ADGRF1: variants seen among roughly 807,000 people sequenced by gnomAD.
ADGRF1 encodes the protein G protein-coupled receptor 110.
Under a neutral mutation model 87.2 loss-of-function variants are expected in ADGRF1, and 85 were observed. The ratio of observed to expected loss-of-function variants is 0.97; its 90% CI spans 0.82 to 1.17. The LOEUF is 1.17. ADGRF1 is among the 50% of genes most tolerant of loss of function. The probability of loss-of-function intolerance (pLI) is 0.00; values close to 1 mark genes in which losing one functional copy is unlikely to be tolerated. For synonymous variants in ADGRF1, 430 were observed against 408.8 expected, an observed-to-expected ratio of 1.05 and a Z score of -0.63; for missense variants, 1,169 against 1,077.2, an observed-to-expected ratio of 1.09 and a Z score of -1.19.
intron 1 of ADGRF1, among the ~76,000 whole-genome samples, chr6:47,041,488 GT>G (rs774881330): frequency 7.9e-5 from 12 of 151,878 alleles, no homozygotes; most frequent in Non-Finnish European, 1.3e-4. Flanking sequence ...CTCTGGCATG[GT>G]ACATTACATA....
At chr6:47,016,984 A>G (rs1022990715) in intron 7 of ADGRF1, 73 of 386,158 alleles carry the variant, frequency 1.9e-4, no homozygotes, top group Non-Finnish European at 2.6e-4. Flanking sequence ...CTGTATATAT[A>G]CAGATATAAT....
intron 1 of ADGRF1, among the ~76,000 whole-genome samples, chr6:47,041,984 TCA>T (rs1780753101): frequency 6.6e-6 from 1 of 152,206 alleles, no homozygotes; most frequent in Non-Finnish European, 1.5e-5. Flanking sequence ...GCCAATCACC[TCA>T]TTATAGTTAG....
chr6:47,033,230 C>T (rs552404680), intron 1 of ADGRF1, among the ~76,000 whole-genome samples: 1 of 152,312 alleles, frequency 6.6e-6, no homozygotes, highest in South Asian at 2.1e-4. Flanking sequence ...GGTGGGACGC[C>T]CCCTCCGCAC....
chr6:47,003,973 C>T (rs1779438261), intron 13 of ADGRF1, among the ~76,000 whole-genome samples: 1 of 152,208 alleles, frequency 6.6e-6, no homozygotes, highest in Admixed American at 6.5e-5. Context: ...GGAGCAAATC[C>T]CTCCATCTTC....
Position 47,005,784 on chromosome 6 carries a change from T to C in ADGRF1, c.2592+33A>G, listed in dbSNP as rs376121039. 8.0e-4 allele frequency: 1,222 copies of C among 1,521,480 alleles called. 17 individuals are homozygous for C. In the South Asian group the frequency reaches 0.013, roughly 17 times the overall value. 94.2% of individuals were successfully genotyped at this position (1,521,480 alleles called of 1,614,324 possible). A position where few individuals can be genotyped will look rare whatever the true frequency, so the allele number is the denominator to read the frequency against. On this transcript the variant is annotated intron_variant, in intron 13 of 14. Coordinates refer to ENST00000371253, the MANE Select transcript of ADGRF1 (RefSeq NM_153840.4). ...AGAAGAATGCAAAACTGGAACTTCA[T>C]GTATTGGATTCATGGCAGTAGGAGA...
intron 1 of ADGRF1, among the ~76,000 whole-genome samples, chr6:47,039,887 G>A (rs1400329525): frequency 6.6e-6 from 1 of 152,048 alleles, no homozygotes; most frequent in Non-Finnish European, 1.5e-5. Context: ...GCTAGAACCT[G>A]GGATGTGGAG....
Position 47,025,633 on chromosome 6 carries a change from C to G in ADGRF1, c.277+221G>C, listed in dbSNP as rs1582176499. Among the ~76,000 whole-genome samples the G allele has an allele frequency of 2.0e-5, 3 of 152,284 alleles. No homozygotes were observed. The South Asian group carries it at 6.2e-4, about 32-fold the overall frequency. ...ATCTATTTTTTGCTCAGCATGGGTACATATGAGATAGGGTCTGATACATCA... is the reference window on the plus strand; with the variant it reads ...ATCTATTTTTTGCTCAGCATGGGTAGATATGAGATAGGGTCTGATACATCA... On this transcript the variant is annotated intron_variant, in intron 4 of 14. Coordinates refer to ENST00000371253, the MANE Select transcript of ADGRF1 (RefSeq NM_153840.4).
At position 47,024,092 on chromosome 6, in the gene ADGRF1, A is replaced by G; in HGVS notation, c.403T>C (p.Cys135Arg). Residue 135 changes from cysteine (C) to arginine (R), a missense_variant, in exon 5 of 15, where the codon TGT becomes CGT. By Grantham distance (180) the Cys-to-Arg change is radical (BLOSUM62 -3). Coordinates refer to ENST00000371253, the MANE Select transcript of ADGRF1 (RefSeq NM_153840.4). ...CTCTGGCTGAGGTTGTTGAGATGACATTCACAGCTTGGGAGTGCTCCAGCC... is the reference window on the plus strand; with the variant it reads ...CTCTGGCTGAGGTTGTTGAGATGACGTTCACAGCTTGGGAGTGCTCCAGCC... ...HTAGALPSCE[C>R]HLNNLSQSVN... 6.2e-7 allele frequency: 1 copy of G among 1,614,148 alleles called. No homozygotes were observed. Among genetic ancestry groups the G allele is most frequent in the Non-Finnish European group, 8.5e-7 (1 of 1,179,996 alleles).
At chr6:47,033,108 T>G (rs1780480664) in intron 1 of ADGRF1, among the ~76,000 whole-genome samples, 2 of 152,236 alleles carry the variant, frequency 1.3e-5, no homozygotes, top group Admixed American at 6.5e-5. Context: ...GAGCTGTTGT[T>G]GTCATTAGAG....
chr6:47,040,927 G>GT (rs1780723793), intron 1 of ADGRF1, among the ~76,000 whole-genome samples: 1 of 152,136 alleles, frequency 6.6e-6, no homozygotes, highest in Non-Finnish European at 1.5e-5. Context: ...CACTGTCCCT[G>GT]TTTTTTAAGA....
At chr6:47,036,930 C>G (rs1038745878) in intron 1 of ADGRF1, among the ~76,000 whole-genome samples, 3 of 152,160 alleles carry the variant, frequency 2.0e-5, no homozygotes, top group Admixed American at 1.3e-4. Flanking sequence ...ACAATTTGTG[C>G]TCAAACTTCC....
intron 13 of ADGRF1, among the ~76,000 whole-genome samples, chr6:47,004,619 G>T (rs1041909580): frequency 6.6e-6 from 1 of 152,002 alleles, no homozygotes; most frequent in Non-Finnish European, 1.5e-5. Context: ...TTCACTAAAG[G>T]TTTTATCTTT....
At chr6:47,030,467 G>T (rs574199264) in intron 1 of ADGRF1, among the ~76,000 whole-genome samples, 20 of 151,818 alleles carry the variant, frequency 1.3e-4, no homozygotes, top group Admixed American at 1.3e-3. Flanking sequence ...ATTCCTTCCC[G>T]CCTGCGCTTT....
intron 13 of ADGRF1, among the ~76,000 whole-genome samples, chr6:47,002,186 A>G (rs956659565): frequency 1.1e-4 from 17 of 152,238 alleles, no homozygotes; most frequent in African/African-American, 4.1e-4. Context: ...TTAATTTACC[A>G]TCTCATATTG....
intron 5 of ADGRF1, among the ~76,000 whole-genome samples, chr6:47,022,532 G>A (rs1407378504): frequency 2.6e-5 from 4 of 152,180 alleles, no homozygotes; most frequent in Non-Finnish European, 1.5e-5. Context: ...TCAGGACCTA[G>A]TCAAATATCA....
chr6:47,018,303 T>A (rs1041083259), intron 7 of ADGRF1: 40 of 943,916 alleles, frequency 4.2e-5, no homozygotes, highest in Non-Finnish European at 2.5e-5. Flanking sequence ...AGATAAGCAG[T>A]GTATCATTCC....
At chr6:47,033,692 C>G (rs557698846) in intron 1 of ADGRF1, among the ~76,000 whole-genome samples, 1 of 152,344 alleles carries the variant, frequency 6.6e-6, no homozygotes, top group South Asian at 2.1e-4. Flanking sequence ...GGCAGGTGAC[C>G]TGTAAAACCT....
Position 46,999,954 on chromosome 6 carries a change from G to A in ADGRF1, c.*268C>T, listed in dbSNP as rs757598095. On this transcript the variant is annotated 3_prime_UTR_variant, in exon 15 of 15. Transcript: ENST00000371253. ...ATAGAAACCATATTTTATGGTCAGGGTACAACTGACACGATTTCCAACAAA... is the reference window on the plus strand; with the variant it reads ...ATAGAAACCATATTTTATGGTCAGGATACAACTGACACGATTTCCAACAAA... 4.7e-5 allele frequency: 17 copies of A among 360,610 alleles called. No homozygotes were observed. Among genetic ancestry groups the A allele is most frequent in the Non-Finnish European group, 7.7e-5 (15 of 194,236 alleles). The allele number at this position is 360,610 out of a possible 1,614,324, so 22.3% of individuals were successfully genotyped here. A position where few individuals can be genotyped will look rare whatever the true frequency, so the allele number is the denominator to read the frequency against.
rs1227181735 is a variant in ADGRF1 at position 47,009,536 on chromosome 6, G to A, written c.1899C>T (p.Ser633=). The change falls in exon 11 of 15, where the codon TCC becomes TCT. Residue 633 remains serine (S), a synonymous_variant. Transcript: ENST00000371253. ...RRICMVNIAL[S]LLIADVWFIV... is the part of the protein sequence containing the mutation. The stretch of plus-strand genomic sequence containing the variant: ...TAAACCAGACATCAGCAATCAAGAG[G>A]GACAGGGCTATGTTCACCATGCAAA... 1.9e-6 allele frequency: 3 copies of A among 1,613,954 alleles called. No individual in the cohort carries two copies. The highest frequency in any genetic ancestry group is 1.3e-5 in the African/African-American group (1 of 74,922).
Sources: allele counts gnomAD v4.1 joint callset (sites outside exome capture counted in the v4.1 genomes callset), GRCh38; gene constraint gnomAD v4.1.1; transcripts MANE v1.5; gene names NCBI Gene and HGNC (gene_info 2026-07-23, HGNC 2026-07-21).